Variants in PPP3R1 observed in about 807,000 individuals in gnomAD.
The protein encoded by PPP3R1 is calcineurin subunit B type 1.
Under a neutral mutation model 22.6 loss-of-function variants are expected in PPP3R1, and 5 were observed. The observed-to-expected ratio is 0.22, with a 90% CI of 0.12 to 0.46. The LOEUF (loss-of-function observed/expected upper bound fraction) is 0.46, where lower values mean the gene tolerates loss of function less well. Among genes scored for constraint, PPP3R1 ranks in the 20% least tolerant of loss-of-function variants. PPP3R1 has a pLI of 0.99. For missense variants in PPP3R1, 61 were observed against 203.2 expected, an observed-to-expected ratio of 0.30 and a Z score of 4.25; for synonymous variants, 56 against 65.2, an observed-to-expected ratio of 0.86 and a Z score of 0.68.
chr2:68,221,102 C>A (rs780960645), intron 1 of PPP3R1, among the ~76,000 whole-genome samples: 28 of 151,974 alleles, frequency 1.8e-4, no homozygotes, highest in Non-Finnish European at 3.8e-4. Context: ...GAGGCCGAGG[C>A]AGGCAGATCA....
chr2:68,211,417 A>AAAAAAAC (rs1669482172), intron 2 of PPP3R1, among the ~76,000 whole-genome samples: 2 of 151,362 alleles, frequency 1.3e-5, no homozygotes, highest in Admixed American at 6.6e-5. Context: ...AAAAAAAAAA[A>AAAAAAAC]AAAAAAAACT....
At chr2:68,231,498 G>C (rs958446955) in intron 1 of PPP3R1, among the ~76,000 whole-genome samples, 3 of 151,616 alleles carry the variant, frequency 2.0e-5, no homozygotes, top group Non-Finnish European at 4.4e-5. Context: ...TAGTAGTTTT[G>C]GTATTCTATG....
At position 68,252,478 on chromosome 2, in the gene PPP3R1, G is replaced by A. The variant is rs1670391776; in HGVS notation, c.-351C>T. ...GGGGCTGCAGCCTCGCGCTCGCGCC[G>A]GAGCCGTGACGGACTCACTGCAGCG... On this transcript the variant is annotated 5_prime_UTR_variant, in exon 1 of 6. Coordinates refer to ENST00000234310, the MANE Select transcript of PPP3R1 (RefSeq NM_000945.4). 1.0e-6 allele frequency: 1 copy of A among 987,016 alleles called. No individual in the cohort carries two copies. The highest frequency in any genetic ancestry group is 1.2e-6 in the Non-Finnish European group (1 of 832,008). The allele number at this position is 987,016 out of a possible 1,614,324, so 61.1% of individuals were successfully genotyped here. A position where few individuals can be genotyped will look rare whatever the true frequency, so the allele number is the denominator to read the frequency against.
chr2:68,209,046 T>G (rs1040039076), intron 2 of PPP3R1, among the ~76,000 whole-genome samples: 2 of 150,954 alleles, frequency 1.3e-5, no homozygotes, highest in African/African-American at 4.9e-5. Context: ...GTATCACCAT[T>G]TTTTTTTAAG....
At chr2:68,247,923 T>C (rs545217069) in intron 1 of PPP3R1, among the ~76,000 whole-genome samples, 1 of 152,318 alleles carries the variant, frequency 6.6e-6, no homozygotes, top group Non-Finnish European at 1.5e-5. Flanking sequence ...GATTCATCTA[T>C]CCTATTATCC....
intron 1 of PPP3R1, 72 bp downstream of exon 1, chr2:68,252,053 C>A: frequency 1.5e-6 from 2 of 1,324,600 alleles, no homozygotes; most frequent in Non-Finnish European, 2.0e-6. Flanking sequence ...GGCGTCGGGG[C>A]TCGCCCCCGC....
chr2:68,201,079 G>T (rs1340640512), intron 2 of PPP3R1, among the ~76,000 whole-genome samples: 1 of 151,938 alleles, frequency 6.6e-6, no homozygotes, highest in Non-Finnish European at 1.5e-5. Flanking sequence ...TTATTCAAAA[G>T]ATCTGGCTCC....
At chr2:68,244,792 C>A (rs1175747395) in intron 1 of PPP3R1, among the ~76,000 whole-genome samples, 2 of 152,144 alleles carry the variant, frequency 1.3e-5, no homozygotes, top group East Asian at 3.8e-4. Flanking sequence ...TCACTGCCTT[C>A]AATGTCCGAT....
chr2:68,236,191 T>C (rs1670016263), intron 1 of PPP3R1, among the ~76,000 whole-genome samples: 1 of 152,126 alleles, frequency 6.6e-6, no homozygotes, highest in Admixed American at 6.5e-5. Flanking sequence ...ACAATTTACC[T>C]TTTTTTTCTT....
At chr2:68,182,788 G>C (rs2103713435) in intron 5 of PPP3R1, among the ~76,000 whole-genome samples, 1 of 149,752 alleles carries the variant, frequency 6.7e-6, no homozygotes, top group Non-Finnish European at 1.5e-5. Flanking sequence ...CAGATAAACA[G>C]AACTATGTAT....
Position 68,229,321 on chromosome 2 carries a change from CTTTT to C in PPP3R1, c.4-12194_4-12191del, listed in dbSNP as rs369542801. ...AACCACCATGCCCAAATGAGGTTTA[CTTTT>C]ATGGCCCAGGACATAACTTTCCTTG... On this transcript the variant is annotated intron_variant, in intron 1 of 5. Transcript: ENST00000234310. 3.1e-4 allele frequency among the ~76,000 whole-genome samples: 47 copies of C among 152,234 alleles called. No individual in the cohort carries two copies. The East Asian group carries it at 8.9e-3, about 29-fold the overall frequency.
At chr2:68,190,761 C>T (rs532911587) in intron 2 of PPP3R1, among the ~76,000 whole-genome samples, 2 of 152,176 alleles carry the variant, frequency 1.3e-5, no homozygotes, top group African/African-American at 4.8e-5. Flanking sequence ...TTATGCTCCC[C>T]CTCACCCCCA....
chr2:68,237,511 G>T (rs1297659005), intron 1 of PPP3R1, among the ~76,000 whole-genome samples: 1 of 151,924 alleles, frequency 6.6e-6, no homozygotes, highest in Admixed American at 6.6e-5. Flanking sequence ...AAAAATTATA[G>T]TATTCTTTCA....
chr2:68,197,669 T>TA (rs754748415), intron 2 of PPP3R1, among the ~76,000 whole-genome samples: 47 of 151,012 alleles, frequency 3.1e-4, no homozygotes, highest in Non-Finnish European at 4.0e-4. Context: ...ATTGTGCTTT[T>TA]AAAAAAAAAG....
At chr2:68,229,899 C>T (rs189505584) in intron 1 of PPP3R1, among the ~76,000 whole-genome samples, 3 of 143,812 alleles carry the variant, frequency 2.1e-5, no homozygotes, top group Admixed American at 1.4e-4. Flanking sequence ...TATATATATA[C>T]GGGTGTGTGT....
At chr2:68,214,098 C>T (rs1669534026) in intron 2 of PPP3R1, among the ~76,000 whole-genome samples, 1 of 152,142 alleles carries the variant, frequency 6.6e-6, no homozygotes, top group African/African-American at 2.4e-5. Context: ...ATGCAGAAGA[C>T]TGAAATTGGA....
chr2:68,246,063 CTTTCTTTTTTT>C (rs1245067279), intron 1 of PPP3R1, among the ~76,000 whole-genome samples: 2 of 121,466 alleles, frequency 1.6e-5, no homozygotes, highest in Admixed American at 9.0e-5. Flanking sequence ...CTTTTTCTTT[CTTTCTTTTTTT>C]TTTTTTTTTT....
chr2:68,249,479 T>G (rs1670297271), intron 1 of PPP3R1, among the ~76,000 whole-genome samples: 1 of 152,144 alleles, frequency 6.6e-6, no homozygotes, highest in Non-Finnish European at 1.5e-5. Context: ...CTTTATAAAA[T>G]TTAAAGTTCC....
intron 5 of PPP3R1, among the ~76,000 whole-genome samples, chr2:68,184,758 A>G (rs1321283070): frequency 2.0e-5 from 3 of 152,232 alleles, no homozygotes; most frequent in Non-Finnish European, 4.4e-5. Flanking sequence ...CTCGTAAACT[A>G]TGCCCCTTAA....
Sources: gnomAD v4.1 joint callset for allele counts (sites outside exome capture counted in the v4.1 genomes callset) on GRCh38, gnomAD v4.1.1 for gene constraint, MANE v1.5 for transcripts, NCBI Gene and HGNC (gene_info 2026-07-23, HGNC 2026-07-21) for gene names.